The following RTN1 variants were observed in gnomAD, a reference collection of about 807,000 sequenced individuals.
RTN1 encodes the protein reticulon 1.
A neutral mutation model predicts 65.5 loss-of-function variants in RTN1; 25 were observed. The observed-to-expected ratio is 0.38, with a 90% CI of 0.28 to 0.53. The LOEUF (loss-of-function observed/expected upper bound fraction) is 0.53, where lower values mean the gene tolerates loss of function less well. Among genes scored for constraint, RTN1 ranks in the 20% least tolerant of loss-of-function variants. The probability of loss-of-function intolerance (pLI) is 0.79; values close to 1 mark genes in which losing one functional copy is unlikely to be tolerated. For synonymous variants in RTN1, 471 were observed against 447.6 expected (o/e 1.05, Z -0.66); for missense variants, 983 against 1,025.4 (o/e 0.96, Z 0.57).
intron 1 of RTN1, among the ~76,000 whole-genome samples, chr14:59,819,414 ACCCCCCCCCCACCCCCCACCC>A (rs561200821): frequency 0.41 from 13,315 of 32,662 alleles, 2,931 homozygotes; most frequent in East Asian, 0.63. Context: ...CACCACCACC[ACCCCCCCCCCACCCCCCACCC>A]CCCCCCCCCG....
chr14:59,855,443 C>T (rs1190358917), intron 1 of RTN1, among the ~76,000 whole-genome samples: 1 of 151,998 alleles, frequency 6.6e-6, no homozygotes, highest in Non-Finnish European at 1.5e-5. Context: ...TTTTTCTTTG[C>T]TGGGACTTTC....
chr14:59,827,071 G>C (rs183902841), intron 1 of RTN1, among the ~76,000 whole-genome samples: 1 of 150,830 alleles, frequency 6.6e-6, no homozygotes, highest in Non-Finnish European at 1.5e-5. Flanking sequence ...GTGTTTTGTT[G>C]TTGTTGTTGT....
chr14:59,673,734 C>T (rs745820231), intron 3 of RTN1, among the ~76,000 whole-genome samples: 10 of 152,146 alleles, frequency 6.6e-5, no homozygotes, highest in Non-Finnish European at 1.0e-4. Context: ...CAGAGGTCCT[C>T]GCTCCAGTCG....
At chr14:59,633,332 C>T (rs193296185) in intron 3 of RTN1, among the ~76,000 whole-genome samples, 301 of 152,298 alleles carry the variant, frequency 2.0e-3, no homozygotes, top group Middle Eastern at 3.4e-3. Flanking sequence ...TGAACTTATT[C>T]ACGGAAAACT....
intron 1 of RTN1, among the ~76,000 whole-genome samples, chr14:59,856,696 C>T (rs770602214): frequency 2.7e-4 from 41 of 152,186 alleles, no homozygotes; most frequent in African/African-American, 9.4e-4. Context: ...CTGAGCTTCC[C>T]CATTGCTATT....
intron 1 of RTN1, among the ~76,000 whole-genome samples, chr14:59,778,951 C>T (rs571959553): frequency 3.9e-5 from 6 of 151,994 alleles, no homozygotes; most frequent in Non-Finnish European, 7.4e-5. Flanking sequence ...TGGGGAGTCA[C>T]CGAAGGGCTT....
At chr14:59,757,156 C>T (rs892046920) in intron 1 of RTN1, among the ~76,000 whole-genome samples, 1 of 152,116 alleles carries the variant, frequency 6.6e-6, no homozygotes, top group Non-Finnish European at 1.5e-5. Flanking sequence ...AATATCCTAA[C>T]CCCAAAGATG....
At chr14:59,709,196 T>G (rs1382202560) in intron 3 of RTN1, among the ~76,000 whole-genome samples, 1 of 152,210 alleles carries the variant, frequency 6.6e-6, no homozygotes, top group Non-Finnish European at 1.5e-5. Context: ...TGTGACTTAA[T>G]TTTAAAATGC....
intron 1 of RTN1, among the ~76,000 whole-genome samples, chr14:59,841,897 C>T (rs1427995324): frequency 1.3e-5 from 2 of 151,914 alleles, no homozygotes; most frequent in East Asian, 1.9e-4. Context: ...GAGGCCGAGG[C>T]GGGTAGATCA....
intron 3 of RTN1, among the ~76,000 whole-genome samples, chr14:59,697,990 T>C (rs562029001): frequency 6.6e-6 from 1 of 152,184 alleles, no homozygotes; most frequent in Non-Finnish European, 1.5e-5. Flanking sequence ...CACTCTGTGA[T>C]GATAAACAAC....
intron 3 of RTN1, among the ~76,000 whole-genome samples, chr14:59,629,218 C>G (rs1305013865): frequency 6.6e-6 from 1 of 152,214 alleles, no homozygotes; most frequent in Admixed American, 6.5e-5. Context: ...ATTTCCAACA[C>G]TCACATAATT....
intron 3 of RTN1, among the ~76,000 whole-genome samples, chr14:59,668,986 C>A (rs7157276): frequency 0.8 from 121,396 of 151,866 alleles, 48,620 homozygotes; most frequent in Admixed American, 0.86. Flanking sequence ...GAGTAACAGG[C>A]ACCCTTTTAC....
At chr14:59,675,924 G>A (rs1326958785) in intron 3 of RTN1, among the ~76,000 whole-genome samples, 1 of 152,108 alleles carries the variant, frequency 6.6e-6, no homozygotes, top group Non-Finnish European at 1.5e-5. Context: ...CAAACCTTTA[G>A]TCCTACTCAA....
chr14:59,854,039 AT>A (rs1163792032), intron 1 of RTN1, among the ~76,000 whole-genome samples: 1 of 151,672 alleles, frequency 6.6e-6, no homozygotes, highest in African/African-American at 2.4e-5. Context: ...TAATTTTTGT[AT>A]TTTTAGTAGA....
chr14:59,651,423 C>T (rs1883017790), intron 3 of RTN1, among the ~76,000 whole-genome samples: 1 of 151,858 alleles, frequency 6.6e-6, no homozygotes, highest in Non-Finnish European at 1.5e-5. Flanking sequence ...AAACCCAAAA[C>T]TATAAAAACC....
chr14:59,596,696 A>G lies in RTN1; in HGVS notation c.*49T>C. 7.3e-7 allele frequency: 1 copy of G among 1,365,466 alleles called. No individual in the cohort carries two copies. The highest frequency in any genetic ancestry group is 1.0e-6 in the Non-Finnish European group (1 of 953,364). 84.6% of individuals were successfully genotyped at this position (1,365,466 alleles called of 1,614,324 possible). On this transcript the variant is annotated 3_prime_UTR_variant, in exon 9 of 9. Coordinates refer to ENST00000267484, the MANE Select transcript of RTN1 (RefSeq NM_021136.3). ...AGTAATGAGTAAGAAGAGAGCTGTTACCACTCCAGACATTCCTGTTTGTGT... is the reference window on the plus strand; with the variant it reads ...AGTAATGAGTAAGAAGAGAGCTGTTGCCACTCCAGACATTCCTGTTTGTGT...
rs556339571 is a variant in RTN1 at position 59,651,236 on chromosome 14, A to G, written c.1766-43744T>C. Reference sequence around the variant, plus strand: ...AGAGAGCTCAGAAATAAGGCCACACACCTACAACCATCTGATCTCTGACAA... The same window carrying G: ...AGAGAGCTCAGAAATAAGGCCACACGCCTACAACCATCTGATCTCTGACAA... On this transcript the variant is annotated intron_variant, in intron 3 of 8. Coordinates refer to ENST00000267484, the MANE Select transcript of RTN1 (RefSeq NM_021136.3). Among the ~76,000 whole-genome samples the G allele has an allele frequency of 5.9e-5, 9 of 152,278 alleles. No individual in the cohort carries two copies. The South Asian group carries it at 1.5e-3, about 25-fold the overall frequency.
intron 3 of RTN1, among the ~76,000 whole-genome samples, chr14:59,669,071 G>GA (rs1329109998): frequency 1.3e-5 from 2 of 152,120 alleles, no homozygotes; most frequent in Admixed American, 6.5e-5. Flanking sequence ...TCTAGAACTA[G>GA]AATTACCATT....
At chr14:59,603,785 C>A in intron 6 of RTN1, 67 bp downstream of exon 6, 1 of 1,270,396 alleles carries the variant, frequency 7.9e-7, no homozygotes, top group Non-Finnish European at 1.1e-6. Flanking sequence ...AAAAAGCTTA[C>A]AGCCTAGGAA....
Sources: gnomAD v4.1 joint callset for allele counts (sites outside exome capture counted in the v4.1 genomes callset) on GRCh38, gnomAD v4.1.1 for gene constraint, MANE v1.5 for transcripts, NCBI Gene and HGNC (gene_info 2026-07-23, HGNC 2026-07-21) for gene names.